Variants in ALPK2 observed in about 807,000 individuals in gnomAD.
The protein encoded by ALPK2 is alpha kinase 2, also known as alpha-protein kinase 2.
In ALPK2, 127 loss-of-function variants were observed where a neutral mutation model predicts 163.1. The ratio of observed to expected loss-of-function variants is 0.78; its 90% CI spans 0.67 to 0.90. ALPK2 has a LOEUF of 0.90. Ranked by LOEUF, ALPK2 falls within the 40% of genes least tolerant of loss-of-function variation. ALPK2 has a pLI of 0.00. For missense variants in ALPK2, 2,360 were observed against 2,589.6 expected, an observed-to-expected ratio of 0.91 and a Z score of 1.92; for synonymous variants, 953 against 959.1, an observed-to-expected ratio of 0.99 and a Z score of 0.12.
chr18:58,522,658 G>A (rs554218022), intron 8 of ALPK2, among the ~76,000 whole-genome samples: 46 of 152,306 alleles, frequency 3.0e-4, no homozygotes, highest in Admixed American at 5.9e-4. Flanking sequence ...CAAACTGAAA[G>A]GAAAATTGAA....
At chr18:58,496,183 G>A (rs966267380) in intron 12 of ALPK2, among the ~76,000 whole-genome samples, 12 of 152,140 alleles carry the variant, frequency 7.9e-5, no homozygotes, top group African/African-American at 2.4e-4. Context: ...AAATTCCTAC[G>A]ATGCCAAGAA....
In ALPK2 at chr18:58,481,835, T is replaced by A. The variant is rs2051312784; in HGVS notation, c.6501A>T (p.Glu2167Asp). The change falls in exon 13 of 13, where the codon GAA becomes GAT. Residue 2167 changes from glutamate (E) to aspartate (D), a missense_variant. Coordinates refer to ENST00000361673, the MANE Select transcript of ALPK2 (RefSeq NM_052947.4). ...TTACCCAGGGACGTTAGGTTTTCTT[T>A]TCGCCTGGGGTCTCAGGCCCTGCCT... ...IKKAGPETPG[E>D]KKT 2 of 1,613,846 alleles carry A rather than the reference T, an allele frequency of 1.2e-6. No individual in the cohort carries two copies. Among genetic ancestry groups the A allele is most frequent in the Non-Finnish European group, 1.7e-6 (2 of 1,179,942 alleles).
intron 6 of ALPK2, among the ~76,000 whole-genome samples, chr18:58,526,696 A>C (rs1023078746): frequency 1.3e-5 from 2 of 152,140 alleles, no homozygotes; most frequent in Non-Finnish European, 2.9e-5. Flanking sequence ...GACTCAAACC[A>C]AGCTACCACT....
chr18:58,483,017 T>A (rs9953179), intron 12 of ALPK2, among the ~76,000 whole-genome samples: 1 of 151,728 alleles, frequency 6.6e-6, no homozygotes, highest in African/African-American at 2.4e-5. Flanking sequence ...AAATCCCATG[T>A]ACACACTGAA....
Position 58,623,380 on chromosome 18 carries a change from T to C in ALPK2, c.-21+5384A>G, listed in dbSNP as rs1300417561. Among the ~76,000 whole-genome samples the C allele has an allele frequency of 2.0e-5, 3 of 152,024 alleles. No individual in the cohort carries two copies. The East Asian group carries it at 5.8e-4, about 29-fold the overall frequency. On this transcript the variant is annotated intron_variant, in intron 1 of 12. Transcript: ENST00000361673. ...GGTTCTTTATCTAATCTTGTTCTAG[T>C]AAATAAAGTGTGCCTTAGAGATAAG...
chr18:58,551,760 T>A (rs1406462843), intron 4 of ALPK2, among the ~76,000 whole-genome samples: 1 of 152,232 alleles, frequency 6.6e-6, no homozygotes, highest in Non-Finnish European at 1.5e-5. Context: ...TTATGCCTAC[T>A]TCTGTGCTAA....
At chr18:58,494,267 T>C (rs755156291) in intron 12 of ALPK2, among the ~76,000 whole-genome samples, 47 of 152,238 alleles carry the variant, frequency 3.1e-4, no homozygotes, top group Non-Finnish European at 5.9e-4. Context: ...GAAATTTTTG[T>C]ACTCAACATT....
At chr18:58,514,864 A>T (rs930104494) in intron 10 of ALPK2, 129 bp downstream of exon 10, 16 of 434,790 alleles carry the variant, frequency 3.7e-5, no homozygotes, top group Non-Finnish European at 6.7e-5. Flanking sequence ...CAGCCGTGTG[A>T]GCCCTCATGG....
chr18:58,620,174 T>C (rs1308289124), intron 1 of ALPK2, among the ~76,000 whole-genome samples: 1 of 152,062 alleles, frequency 6.6e-6, no homozygotes, highest in Non-Finnish European at 1.5e-5. Flanking sequence ...GCATGAAATC[T>C]CAGCTACTTG....
chr18:58,586,688 C>T (rs771166300), intron 3 of ALPK2, among the ~76,000 whole-genome samples: 1 of 151,776 alleles, frequency 6.6e-6, no homozygotes, highest in Non-Finnish European at 1.5e-5. Flanking sequence ...ACTCACAAGA[C>T]TGTTTTTGTG....
intron 4 of ALPK2, among the ~76,000 whole-genome samples, chr18:58,575,641 G>A (rs2051917265): frequency 6.6e-6 from 1 of 152,210 alleles, no homozygotes; most frequent in Non-Finnish European, 1.5e-5. Context: ...TTGCCTCTGA[G>A]TTGGATGAGG....
In ALPK2 at chr18:58,536,257, G is replaced by T. The variant is rs1019535763; in HGVS notation, c.3930C>A (p.Ser1310Arg). The T allele has an allele frequency of 9.3e-6, 15 of 1,614,050 alleles. No individual in the cohort carries two copies. The highest frequency in any genetic ancestry group is 1.2e-5 in the Non-Finnish European group (14 of 1,180,030). The change falls in exon 5 of 13, where the codon AGC becomes AGA. Residue 1310 changes from serine (S) to arginine (R), a missense_variant. Coordinates refer to ENST00000361673, the MANE Select transcript of ALPK2 (RefSeq NM_052947.4). Reference protein sequence around the residue: ...PEDAESALADSRESHKGEEPT... With the variant: ...PEDAESALADRRESHKGEEPT... ...GCTCTTCGCCTTTATGGCTTTCTCT[G>T]CTATCAGCAAGGGCTGACTCAGCAT...
intron 4 of ALPK2, among the ~76,000 whole-genome samples, chr18:58,541,176 C>T (rs1157606699): frequency 1.3e-5 from 2 of 152,238 alleles, no homozygotes; most frequent in Non-Finnish European, 2.9e-5. Flanking sequence ...ACCGGCTATA[C>T]AGGAAGTATG....
rs2051829459 is a variant in ALPK2 at position 58,562,305 on chromosome 18, G to GTC, written c.1962+16508_1962+16509insGA. Among the ~76,000 whole-genome samples, 3 of 152,214 alleles carry GTC rather than the reference G, an allele frequency of 2.0e-5. No individual in the cohort carries two copies. In the East Asian group the frequency reaches 5.8e-4, roughly 29 times the overall value. On this transcript the variant is annotated intron_variant, in intron 4 of 12. Coordinates refer to ENST00000361673, the MANE Select transcript of ALPK2 (RefSeq NM_052947.4). ...CATCAGTGCAGACTTTTGACCTATA[G>GTC]AAGTTGAGATGATGATCTAAAAATT...
intron 4 of ALPK2, among the ~76,000 whole-genome samples, chr18:58,542,046 C>T (rs2051692419): frequency 1.3e-5 from 2 of 152,176 alleles, no homozygotes; most frequent in Non-Finnish European, 2.9e-5. Flanking sequence ...GACACAATTT[C>T]CTTATGTAGG....
chr18:58,560,582 G>A (rs968413947), intron 4 of ALPK2, among the ~76,000 whole-genome samples: 3 of 152,196 alleles, frequency 2.0e-5, no homozygotes, highest in African/African-American at 7.2e-5. Context: ...CTGGGTCAAA[G>A]ATAATTTCCC....
chr18:58,483,529 C>CTTTACTTA (rs1555659483), intron 12 of ALPK2, among the ~76,000 whole-genome samples: 3 of 142,778 alleles, frequency 2.1e-5, no homozygotes, highest in African/African-American at 7.9e-5. Flanking sequence ...GTCCTACTCA[C>CTTTACTTA]TTTATTTATT....
At chr18:58,609,468 G>T (rs11664616) in intron 2 of ALPK2, among the ~76,000 whole-genome samples, 2 of 152,074 alleles carry the variant, frequency 1.3e-5, no homozygotes, top group Non-Finnish European at 2.9e-5. Flanking sequence ...TTGTGGGTAC[G>T]TGGCTGTTTT....
intron 3 of ALPK2, among the ~76,000 whole-genome samples, chr18:58,595,206 C>T (rs1036535465): frequency 2.0e-4 from 30 of 152,170 alleles, no homozygotes; most frequent in Admixed American, 5.2e-4. Flanking sequence ...CACCGTCATG[C>T]GCCTTCCCTC....
Sources: gnomAD v4.1 joint callset for allele counts (sites outside exome capture counted in the v4.1 genomes callset) on GRCh38, gnomAD v4.1.1 for gene constraint, MANE v1.5 for transcripts, NCBI Gene and HGNC (gene_info 2026-07-23, HGNC 2026-07-21) for gene names.